Variants in TMPRSS15 observed in about 807,000 individuals in gnomAD.
The protein encoded by TMPRSS15 is enteropeptidase.
TMPRSS15 carries 128 observed loss-of-function variants against 125.3 expected under a neutral mutation model. That is an observed-to-expected ratio of 1.02 (90% CI 0.89 to 1.18). TMPRSS15 has a LOEUF of 1.18. Among genes scored for constraint, TMPRSS15 ranks in the 50% most tolerant of loss-of-function variants. The pLI is 0.00. For synonymous variants in TMPRSS15, 446 were observed against 423.2 expected (o/e 1.05, Z -0.66); for missense variants, 1,283 against 1,212.7 (o/e 1.06, Z -0.86).
chr21:18,460,888 G>C (rs1296947334), intron 1 of TMPRSS15, among the ~76,000 whole-genome samples: 1 of 152,070 alleles, frequency 6.6e-6, no homozygotes, highest in Non-Finnish European at 1.5e-5. Flanking sequence ...ACCATCACAT[G>C]TTATTGCTAT....
intron 17 of TMPRSS15, among the ~76,000 whole-genome samples, chr21:18,314,350 C>T (rs2075135072): frequency 6.6e-6 from 1 of 152,122 alleles, no homozygotes; most frequent in African/African-American, 2.4e-5. Context: ...ATGATCTGGG[C>T]TCACTGCAAC....
intron 1 of TMPRSS15, among the ~76,000 whole-genome samples, chr21:18,415,905 ACTC>A (rs1393131806): frequency 6.6e-6 from 1 of 151,912 alleles, no homozygotes; most frequent in Admixed American, 6.6e-5. Flanking sequence ...GAACCCTAAA[ACTC>A]CACCTACACA....
intron 1 of TMPRSS15, among the ~76,000 whole-genome samples, chr21:18,421,748 A>G (rs188524149): frequency 2.5e-4 from 38 of 152,344 alleles, no homozygotes; most frequent in Non-Finnish European, 4.3e-4. Flanking sequence ...AGACATGAAT[A>G]AGATTTTTCT....
At chr21:18,418,352 G>A (rs1302054973) in intron 1 of TMPRSS15, among the ~76,000 whole-genome samples, 1 of 152,194 alleles carries the variant, frequency 6.6e-6, no homozygotes, top group Non-Finnish European at 1.5e-5. Flanking sequence ...TGTAGCGATG[G>A]CTAAGTGGAA....
chr21:18,451,526 A>C (rs767368228), intron 1 of TMPRSS15, among the ~76,000 whole-genome samples: 9 of 152,176 alleles, frequency 5.9e-5, no homozygotes, highest in Non-Finnish European at 8.8e-5. Flanking sequence ...TGGTTTCAGC[A>C]ACAAGAAGCA....
chr21:18,353,060 T>G lies in TMPRSS15; in HGVS notation c.1022-8A>C. On this transcript the variant is annotated splice_region_variant and splice_polypyrimidine_tract_variant and intron_variant, in intron 9 of 24. Transcript: ENST00000284885. ...AATTAATTTTCTCATAATCTGTGAA[T>G]GAAAAAAAAGAAGGAATAAAAAAAA... 2 of 1,606,160 alleles carry G rather than the reference T, an allele frequency of 1.2e-6. No individual in the cohort carries two copies. The highest frequency in any genetic ancestry group is 2.7e-5 in the African/African-American group (2 of 74,438).
At chr21:18,452,178 G>A (rs8130386) in intron 1 of TMPRSS15, among the ~76,000 whole-genome samples, 16,177 of 152,048 alleles carry the variant, frequency 0.11, 2,224 homozygotes, top group African/African-American at 0.33. Context: ...ATAGAGGTTG[G>A]ATATGTTAGT....
At chr21:18,313,276 A>G (rs1015557846) in intron 17 of TMPRSS15, among the ~76,000 whole-genome samples, 199 bp from the exon 18 acceptor site, 1 of 152,052 alleles carries the variant, frequency 6.6e-6, no homozygotes, top group Non-Finnish European at 1.5e-5. Flanking sequence ...TTTTCTCATC[A>G]TGAAATATGG....
chr21:18,376,071 C>G (rs914322042), intron 5 of TMPRSS15, among the ~76,000 whole-genome samples: 1 of 152,130 alleles, frequency 6.6e-6, no homozygotes. Flanking sequence ...TGATAGCTTA[C>G]TCAATAGGAA....
At chr21:18,434,866 T>C (rs1365157349) in intron 1 of TMPRSS15, among the ~76,000 whole-genome samples, 1 of 152,080 alleles carries the variant, frequency 6.6e-6, no homozygotes, top group Non-Finnish European at 1.5e-5. Context: ...TCTAGCCTTA[T>C]ATAATTATAA....
intron 21 of TMPRSS15, among the ~76,000 whole-genome samples, chr21:18,288,920 T>C (rs886838807): frequency 2.0e-5 from 3 of 152,104 alleles, no homozygotes; most frequent in Admixed American, 6.5e-5. Flanking sequence ...ACATTATATA[T>C]TACAAGCCTA....
At chr21:18,440,362 A>G (rs1156513960) in intron 1 of TMPRSS15, among the ~76,000 whole-genome samples, 3 of 132,406 alleles carry the variant, frequency 2.3e-5, no homozygotes, top group African/African-American at 6.0e-5. Flanking sequence ...GACAGAGCGA[A>G]ACTCCGTCTC....
At position 18,343,620 on chromosome 21, in the gene TMPRSS15, G is replaced by A. The variant is rs1342306795; in HGVS notation, c.1314C>T (p.Ser438=). 1.1e-5 allele frequency: 17 copies of A among 1,613,490 alleles called. No individual in the cohort carries two copies. The highest frequency in any genetic ancestry group is 1.4e-5 in the Non-Finnish European group (17 of 1,179,652). Residue 438 remains serine, a synonymous_variant, in exon 12 of 25, where the codon AGC becomes AGT. Transcript: ENST00000284885. ...HMYGENVHKL[S]INISNDQNME... is the part of the protein sequence containing the mutation. ...TATTTTGGTCATTGCTGATATTAAT[G>A]CTTAATTTATGGACATTTTCACCAT...
At chr21:18,396,792 A>AAATCTG (rs1408156983) in intron 3 of TMPRSS15, among the ~76,000 whole-genome samples, 12 of 112,790 alleles carry the variant, frequency 1.1e-4, no homozygotes, top group South Asian at 3.6e-4. Context: ...AAAAAAAAAA[A>AAATCTG]TCTGTCTGTC....
At chr21:18,327,333 G>T (rs982191888) in intron 15 of TMPRSS15, among the ~76,000 whole-genome samples, 9 of 152,178 alleles carry the variant, frequency 5.9e-5, no homozygotes, top group African/African-American at 1.9e-4. Context: ...TTTATTTGAA[G>T]AATAATTTGA....
intron 3 of TMPRSS15, among the ~76,000 whole-genome samples, chr21:18,391,034 G>T (rs1180129090): frequency 6.6e-6 from 1 of 152,156 alleles, no homozygotes; most frequent in Non-Finnish European, 1.5e-5. Context: ...AGAACAGCAT[G>T]TGGGAAACTG....
At chr21:18,364,631 A>G (rs2075708737) in intron 7 of TMPRSS15, among the ~76,000 whole-genome samples, 1 of 152,138 alleles carries the variant, frequency 6.6e-6, no homozygotes. Context: ...TTGAATTAAG[A>G]ATGTGGAGGT....
At chr21:18,412,446 C>T (rs1240997220) in intron 1 of TMPRSS15, among the ~76,000 whole-genome samples, 1 of 152,166 alleles carries the variant, frequency 6.6e-6, no homozygotes, top group Non-Finnish European at 1.5e-5. Context: ...TAGGAGATCA[C>T]CGAATTAAAG....
chr21:18,312,077 TGTTATAA>T (rs2075106518), intron 18 of TMPRSS15, among the ~76,000 whole-genome samples: 2 of 152,106 alleles, frequency 1.3e-5, no homozygotes. Context: ...AATGATATAG[TGTTATAA>T]GTTATAAAGA....
Sources: gnomAD v4.1 joint callset for allele counts (sites outside exome capture counted in the v4.1 genomes callset) on GRCh38, gnomAD v4.1.1 for gene constraint, MANE v1.5 for transcripts, NCBI Gene and HGNC (gene_info 2026-07-23, HGNC 2026-07-21) for gene names.